Variants in USP16 observed in about 807,000 individuals in gnomAD.
USP16 encodes the protein ubiquitin carboxyl-terminal hydrolase 16.
In USP16, 77 loss-of-function variants were observed where a neutral mutation model predicts 95.9. That is an observed-to-expected ratio of 0.80 (90% CI 0.67 to 0.97). USP16 has a LOEUF of 0.97. Ranked by LOEUF, USP16 falls within the 50% of genes least tolerant of loss-of-function variation. USP16 has a pLI of 0.00. For synonymous variants in USP16, 303 were observed against 318.2 expected (o/e 0.95, Z 0.51); for missense variants, 943 against 959.9 (o/e 0.98, Z 0.23).
At chr21:29,044,577 AGCTG>A (rs2146388251) in intron 13 of USP16, among the ~76,000 whole-genome samples, 1 of 149,978 alleles carries the variant, frequency 6.7e-6, no homozygotes, top group South Asian at 2.1e-4. Context: ...CCTCCCAAGT[AGCTG>A]GGATTACAGG....
At chr21:29,034,815 T>C (rs778636997) in intron 3 of USP16, 22 bp from the exon 4 acceptor site, 2 of 1,612,554 alleles carry the variant, frequency 1.2e-6, no homozygotes, top group Admixed American at 3.3e-5. Flanking sequence ...GGCTTTGAGG[T>C]TTATGATTAT....
rs2085372839 is a variant in USP16, at chr21:29,048,978, T to C, written c.2106+123T>C. ...GTTTTCTGTTGTTTCTTAACTGTAATGTCAATGAAGTCAGAAAGGGAAAAA... is the reference window on the plus strand; with the variant it reads ...GTTTTCTGTTGTTTCTTAACTGTAACGTCAATGAAGTCAGAAAGGGAAAAA... On this transcript the variant is annotated intron_variant, in intron 15 of 17. Coordinates refer to ENST00000399976, the MANE Select transcript of USP16 (RefSeq NM_006447.3). 20 of 758,746 alleles carry C rather than the reference T, an allele frequency of 2.6e-5. 1 individual carries two copies. The South Asian group carries it at 3.9e-4, about 15-fold the overall frequency. 47.0% of individuals were successfully genotyped at this position (758,746 alleles called of 1,614,324 possible). A position where few individuals can be genotyped will look rare whatever the true frequency, so the allele number is the denominator to read the frequency against.
Position 29,036,393 on chromosome 21 carries a change from T to G in USP16, c.448+19T>G, listed in dbSNP as rs1157454100. On this transcript the variant is annotated intron_variant, in intron 5 of 17. Transcript: ENST00000399976. ...AAGCCAGGTAAAATAATTTGTTTCT[T>G]TAATATACACCAAATGTCGATTTGT... 1 of 1,606,686 alleles carries G rather than the reference T, an allele frequency of 6.2e-7. No individual in the cohort carries two copies. Among genetic ancestry groups the G allele is most frequent in the Admixed American group, 1.7e-5 (1 of 59,920 alleles).
intron 4 of USP16, 50 bp from the exon 5 acceptor site, chr21:29,036,221 C>G (rs1256273244): frequency 6.8e-7 from 1 of 1,471,256 alleles, no homozygotes; most frequent in Admixed American, 1.8e-5. Flanking sequence ...TTGTCTCCCC[C>G]TTTTTAGTTG....
At chr21:29,025,721 T>A (rs2084976726) in intron 1 of USP16, 1 of 984,418 alleles carries the variant, frequency 1.0e-6, no homozygotes, top group Non-Finnish European at 1.2e-6. Flanking sequence ...CTTGTTTGCT[T>A]CATTCTTATG....
At chr21:29,029,149 C>T (rs1449350138) in intron 2 of USP16, among the ~76,000 whole-genome samples, 2 of 152,258 alleles carry the variant, frequency 1.3e-5, no homozygotes, top group African/African-American at 4.8e-5. Context: ...TGTGGTGGCT[C>T]ACGCCTGTAA....
intron 14 of USP16, among the ~76,000 whole-genome samples, chr21:29,048,069 G>A (rs908641160): frequency 2.7e-5 from 4 of 149,722 alleles, no homozygotes; most frequent in African/African-American, 7.4e-5. Context: ...GTGTGTGTGT[G>A]TGTGTGTGTG....
In USP16 at chr21:29,036,256, A is replaced by T. The variant is rs780916917; in HGVS notation, c.345-15A>T. 1.3e-5 allele frequency: 21 copies of T among 1,582,668 alleles called. No individual in the cohort carries two copies. The highest frequency in any genetic ancestry group is 1.7e-4 in the Middle Eastern group (1 of 5,998). ...GTCATTTTGTCATTTTTCATCTCTG[A>T]TTTTTGGGTCACAGGTGTTACGTAT... On this transcript the variant is annotated splice_polypyrimidine_tract_variant and intron_variant, in intron 4 of 17. Coordinates refer to ENST00000399976, the MANE Select transcript of USP16 (RefSeq NM_006447.3).
At chr21:29,036,220 C>G (rs1308682621) in intron 4 of USP16, 51 bp from the exon 5 acceptor site, 1 of 1,436,160 alleles carries the variant, frequency 7.0e-7, no homozygotes, top group Non-Finnish European at 9.7e-7. Context: ...TTTGTCTCCC[C>G]CTTTTTAGTT....
At chr21:29,047,452 T>A in intron 14 of USP16, 131 bp downstream of exon 14, 1 of 1,067,252 alleles carries the variant, frequency 9.4e-7, no homozygotes, top group Non-Finnish European at 1.3e-6. Context: ...GTAAATATTT[T>A]AATAGGATGG....
chr21:29,042,632 T>C, intron 12 of USP16, 104 bp downstream of exon 12: 1 of 994,126 alleles, frequency 1.0e-6, no homozygotes, highest in Non-Finnish European at 1.5e-6. Flanking sequence ...TACTAGCCCA[T>C]GCAGAAATTT....
rs1287603327 is a variant in USP16, at chr21:29,043,343, T to C, written c.1180-80T>C. 5.8e-6 allele frequency: 6 copies of C among 1,042,686 alleles called. No homozygotes were observed. In the African/African-American group the frequency reaches 1.0e-4, roughly 17 times the overall value. 64.6% of individuals were successfully genotyped at this position (1,042,686 alleles called of 1,614,324 possible). A position where few individuals can be genotyped will look rare whatever the true frequency, so the allele number is the denominator to read the frequency against. On this transcript the variant is annotated intron_variant, in intron 12 of 17. Coordinates refer to ENST00000399976, the MANE Select transcript of USP16 (RefSeq NM_006447.3). ...CTAATACATAATAGAAGTAGAAAAA[T>C]ATTTACATAGTGTGGATTTTTTTTC...
intron 7 of USP16, 27 bp downstream of exon 7, chr21:29,038,457 G>T: frequency 6.9e-7 from 1 of 1,459,474 alleles, no homozygotes; most frequent in Non-Finnish European, 9.5e-7. Flanking sequence ...TTTCTAGTCT[G>T]TAACTTTCCT....
chr21:29,031,639 T>C (rs897090466), intron 3 of USP16, among the ~76,000 whole-genome samples: 1 of 152,202 alleles, frequency 6.6e-6, no homozygotes, highest in African/African-American at 2.4e-5. Flanking sequence ...GGTTTTGCCA[T>C]GTTGGCCAGG....
At chr21:29,051,315 T>C (rs1203616680) in intron 16 of USP16, among the ~76,000 whole-genome samples, 1 of 152,216 alleles carries the variant, frequency 6.6e-6, no homozygotes, top group African/African-American at 2.4e-5. Flanking sequence ...GATATACATA[T>C]CTGAGACCTA....
Position 29,024,719 on chromosome 21 carries a change from G to C in USP16, c.-100G>C, listed in dbSNP as rs1461898280. On this transcript the variant is annotated 5_prime_UTR_variant, in exon 1 of 18. Coordinates refer to ENST00000399976, the MANE Select transcript of USP16 (RefSeq NM_006447.3). ...AATTCGTCACCAGGAGGAAGACGGA[G>C]CTGGCTGCCCAGCCCAAAGGCCCAT... 1 of 1,289,292 alleles carries C rather than the reference G, an allele frequency of 7.8e-7. No homozygotes were observed. Among genetic ancestry groups the C allele is most frequent in the Non-Finnish European group, 1.0e-6 (1 of 988,884 alleles). The allele number at this position is 1,289,292 out of a possible 1,614,324, so 79.9% of individuals were successfully genotyped here.
chr21:29,048,048 C>T (rs1301149846), intron 14 of USP16, among the ~76,000 whole-genome samples: 3 of 123,794 alleles, frequency 2.4e-5, no homozygotes, highest in African/African-American at 9.3e-5. Flanking sequence ...AGAGACGATA[C>T]GTGTGTGTGT....
At chr21:29,045,905 A>G (rs2085314745) in intron 13 of USP16, among the ~76,000 whole-genome samples, 2 of 151,984 alleles carry the variant, frequency 1.3e-5, no homozygotes, top group African/African-American at 2.4e-5. Context: ...TTCCATGTTC[A>G]AGCTATTTTC....
intron 2 of USP16, 128 bp from the exon 3 acceptor site, chr21:29,030,467 C>T (rs1049621182): frequency 2.2e-5 from 17 of 772,960 alleles, no homozygotes; most frequent in Admixed American, 7.9e-5. Context: ...ATTTTAAGTT[C>T]AGAATATCTT....
Sources: gnomAD v4.1 joint callset for allele counts (sites outside exome capture counted in the v4.1 genomes callset) on GRCh38, gnomAD v4.1.1 for gene constraint, MANE v1.5 for transcripts, NCBI Gene and HGNC (gene_info 2026-07-23, HGNC 2026-07-21) for gene names.